The following GOLGA5 variants were observed in gnomAD, a reference collection of about 807,000 sequenced individuals.
The protein encoded by GOLGA5 is golgin A5.
GOLGA5 carries 50 observed loss-of-function variants against 93.5 expected under a neutral mutation model. That is an observed-to-expected ratio of 0.53 (90% CI 0.43 to 0.68). The LOEUF is 0.68. GOLGA5 is among the 30% of genes least tolerant of loss of function. The probability of loss-of-function intolerance (pLI) is 0.00; values close to 1 mark genes in which losing one functional copy is unlikely to be tolerated. For synonymous variants in GOLGA5, 312 were observed against 304.5 expected (o/e 1.02, Z -0.26); for missense variants, 760 against 856.4 (o/e 0.89, Z 1.40).
intron 8 of GOLGA5, among the ~76,000 whole-genome samples, chr14:92,820,742 A>G (rs550312129): frequency 1.3e-5 from 2 of 152,152 alleles, no homozygotes; most frequent in Admixed American, 1.3e-4. Flanking sequence ...ACTTTTACCA[A>G]GCACACTGCC....
chr14:92,826,625 A>C (rs1238708462), intron 9 of GOLGA5, among the ~76,000 whole-genome samples: 4 of 151,798 alleles, frequency 2.6e-5, no homozygotes, highest in African/African-American at 9.7e-5. Flanking sequence ...TTGAACCCAG[A>C]AGGCAGAGGT....
chr14:92,835,582 G>T lies in GOLGA5; in HGVS notation c.1969G>T (p.Val657Phe). The T allele has an allele frequency of 6.2e-7, 1 of 1,612,724 alleles. No individual in the cohort carries two copies. The highest frequency in any genetic ancestry group is 8.5e-7 in the Non-Finnish European group (1 of 1,178,902). ...AGGCACTCGTCTGCGAAATGTTCCT[G>T]TTCTTTTTAATGACACAGAAACTAA... is the stretch of plus-strand genomic sequence containing the variant. ...GEGTRLRNVP[V>F]LFNDTETNLA... The change falls in exon 11 of 13, where the codon GTT becomes TTT. Residue 657 changes from valine to phenylalanine, a missense_variant. Val to Phe is a conservative substitution (Grantham distance 50, BLOSUM62 -1). Coordinates refer to ENST00000163416, the MANE Select transcript of GOLGA5 (RefSeq NM_005113.4).
chr14:92,799,300 G>A (rs1343679816), intron 2 of GOLGA5, among the ~76,000 whole-genome samples: 20 of 136,858 alleles, frequency 1.5e-4, no homozygotes, highest in East Asian at 4.1e-4. Flanking sequence ...TTTTTGAGAC[G>A]GAGTCTCACT....
chr14:92,815,009 C>T (rs987789148), intron 6 of GOLGA5, among the ~76,000 whole-genome samples: 1 of 152,162 alleles, frequency 6.6e-6, no homozygotes, highest in Non-Finnish European at 1.5e-5. Context: ...CATTTGTGAG[C>T]ACCTTCTTCA....
chr14:92,835,261 T>C (rs958498317), intron 10 of GOLGA5, among the ~76,000 whole-genome samples: 2 of 152,228 alleles, frequency 1.3e-5, no homozygotes, highest in South Asian at 4.1e-4. Flanking sequence ...CCTCCTCACA[T>C]AGGAACAAAG....
chr14:92,816,207 A>C, intron 6 of GOLGA5, 44 bp from the exon 7 acceptor site: 1 of 1,355,478 alleles, frequency 7.4e-7, no homozygotes, highest in South Asian at 1.2e-5. Flanking sequence ...CAATATACAA[A>C]CTAATCTCTG....
At chr14:92,815,699 C>CTTT (rs571410551) in intron 6 of GOLGA5, among the ~76,000 whole-genome samples, 5 of 91,260 alleles carry the variant, frequency 5.5e-5, no homozygotes, top group African/African-American at 1.4e-4. Flanking sequence ...TTTTTTTAAT[C>CTTT]TTTTTTTTTT....
rs1289240815 is a variant in GOLGA5 at position 92,811,688 on chromosome 14, G to A, written c.1254G>A (p.Lys418=). 1.9e-6 allele frequency: 3 copies of A among 1,612,962 alleles called. No individual in the cohort carries two copies. Among genetic ancestry groups the A allele is most frequent in the East Asian group, 4.5e-5 (2 of 44,888 alleles). The change falls in exon 6 of 13, where the codon AAG becomes AAA. Residue 418 remains lysine, a synonymous_variant. Coordinates refer to ENST00000163416, the MANE Select transcript of GOLGA5 (RefSeq NM_005113.4). ...TGCAGCAGCAAGTCAAGCTGTATAA[G>A]TTGAACTTGGAGTCCTCTAAGCAGG... ...DELQQQVKLY[K]LNLESSKQEL...
At chr14:92,837,351 T>A in intron 11 of GOLGA5, 35 bp from the exon 12 acceptor site, 1 of 1,068,430 alleles carries the variant, frequency 9.4e-7, no homozygotes, top group Non-Finnish European at 1.4e-6. Flanking sequence ...GTGACTCTTC[T>A]CTCTCCTCTC....
chr14:92,803,624 T>G (rs1326991609), intron 2 of GOLGA5, among the ~76,000 whole-genome samples: 2 of 152,200 alleles, frequency 1.3e-5, no homozygotes, highest in Non-Finnish European at 2.9e-5. Flanking sequence ...CCCCAAGAAT[T>G]TGTCAATGTC....
At chr14:92,825,484 ACCAATTGGTTTAAT>A (rs1234948751) in intron 9 of GOLGA5, among the ~76,000 whole-genome samples, 1 of 152,216 alleles carries the variant, frequency 6.6e-6, no homozygotes, top group African/African-American at 2.4e-5. Context: ...AGCAAAAACC[ACCAATTGGTTTAAT>A]CCTTTTTCTA....
chr14:92,815,050 A>G (rs957907065), intron 6 of GOLGA5, among the ~76,000 whole-genome samples: 1 of 152,150 alleles, frequency 6.6e-6, no homozygotes, highest in Non-Finnish European at 1.5e-5. Flanking sequence ...CCTAAAATGC[A>G]TCTCTAGTCA....
chr14:92,822,434 C>A (rs556030145), intron 8 of GOLGA5, among the ~76,000 whole-genome samples: 9 of 152,314 alleles, frequency 5.9e-5, no homozygotes, highest in South Asian at 2.1e-4. Flanking sequence ...GTGATTTGGA[C>A]ACATTTTTGG....
intron 6 of GOLGA5, among the ~76,000 whole-genome samples, chr14:92,812,748 GCTCT>G (rs1885128173): frequency 6.6e-6 from 1 of 151,890 alleles, no homozygotes; most frequent in Non-Finnish European, 1.5e-5. Context: ...CATCTCCTTG[GCTCT>G]CTTTTTGTCC....
chr14:92,812,076 A>G (rs1885114884), intron 6 of GOLGA5, among the ~76,000 whole-genome samples: 1 of 152,186 alleles, frequency 6.6e-6, no homozygotes, highest in Admixed American at 6.5e-5. Context: ...TTTTTGCAGC[A>G]ACTGCTTTAG....
intron 8 of GOLGA5, among the ~76,000 whole-genome samples, chr14:92,823,421 C>CTTT (rs35108001): frequency 5.8e-4 from 85 of 146,530 alleles, no homozygotes; most frequent in African/African-American, 2.0e-3. Flanking sequence ...TTTTTCTTTT[C>CTTT]TTTTTTTTTT....
rs1885058222 is a variant in GOLGA5 at position 92,809,368 on chromosome 14, CGAG to C, written c.844_846del (p.Gly282del). ...CCATTCAAAGAGTGATCGAATGACT[CGAG>C]GACTCCGAGCCCAAGTAGATGACCT... On this transcript the variant is annotated inframe_deletion, in exon 4 of 13. Coordinates refer to ENST00000163416, the MANE Select transcript of GOLGA5 (RefSeq NM_005113.4). The C allele has an allele frequency of 1.9e-6, 3 of 1,613,114 alleles. No individual in the cohort carries two copies. The African/African-American group carries it at 4.0e-5, about 22-fold the overall frequency.
intron 2 of GOLGA5, among the ~76,000 whole-genome samples, chr14:92,804,655 C>CTTT (rs765326844): frequency 5.2e-5 from 6 of 114,304 alleles, no homozygotes; most frequent in Admixed American, 8.6e-5. Flanking sequence ...TAATTTCTTT[C>CTTT]TTTTTTTTTT....
chr14:92,833,830 G>T (rs571169771), intron 10 of GOLGA5, among the ~76,000 whole-genome samples: 1 of 152,078 alleles, frequency 6.6e-6, no homozygotes, highest in Non-Finnish European at 1.5e-5. Context: ...TTGGAACTTC[G>T]TAAAGTCTAC....
Sources: gnomAD v4.1 joint callset for allele counts (sites outside exome capture counted in the v4.1 genomes callset) on GRCh38, gnomAD v4.1.1 for gene constraint, MANE v1.5 for transcripts, NCBI Gene and HGNC (gene_info 2026-07-23, HGNC 2026-07-21) for gene names.